Variants in LRRC7 observed in about 807,000 individuals in gnomAD.
LRRC7 encodes the protein leucine rich repeat containing 7, also known as leucine-rich repeat-containing protein 7.
A neutral mutation model predicts 175.7 loss-of-function variants in LRRC7; 23 were observed. The ratio of observed to expected loss-of-function variants is 0.13; its 90% CI spans 0.09 to 0.19. LRRC7 has a LOEUF of 0.19. Among genes scored for constraint, LRRC7 ranks in the 10% least tolerant of loss-of-function variants. The pLI is 1.00. For synonymous variants in LRRC7, 685 were observed against 680.9 expected (o/e 1.01, Z -0.09); for missense variants, 1,354 against 1,904.7 (o/e 0.71, Z 5.38).
At chr1:69,891,486 C>A (rs1364315880) in intron 7 of LRRC7, among the ~76,000 whole-genome samples, 1 of 152,172 alleles carries the variant, frequency 6.6e-6, no homozygotes, top group African/African-American at 2.4e-5. Flanking sequence ...AATCCAAGCA[C>A]TTTGGGAGGC....
chr1:69,609,701 TC>T (rs1308747923), intron 1 of LRRC7, among the ~76,000 whole-genome samples: 1 of 152,076 alleles, frequency 6.6e-6, no homozygotes, highest in East Asian at 1.9e-4. Context: ...TGAGAACTGC[TC>T]TTCTAAGTTA....
At chr1:70,098,095 C>T (rs1664543151) in intron 25 of LRRC7, among the ~76,000 whole-genome samples, 1 of 151,792 alleles carries the variant, frequency 6.6e-6, no homozygotes, top group Non-Finnish European at 1.5e-5. Context: ...AAAAGTGTTC[C>T]TATTTCTCCA....
intron 2 of LRRC7, among the ~76,000 whole-genome samples, chr1:69,724,543 AAAG>A (rs1176616164): frequency 3.9e-5 from 6 of 152,240 alleles, no homozygotes; most frequent in African/African-American, 7.2e-5. Context: ...TTATTTTTGA[AAAG>A]AAGTTCTTGC....
intron 8 of LRRC7, among the ~76,000 whole-genome samples, chr1:69,955,361 A>G (rs1385849164): frequency 6.6e-6 from 1 of 151,994 alleles, no homozygotes; most frequent in Non-Finnish European, 1.5e-5. Flanking sequence ...AAGAAATGAT[A>G]TTGCAATGAA....
intron 25 of LRRC7, among the ~76,000 whole-genome samples, chr1:70,099,010 C>T (rs1664613420): frequency 6.6e-6 from 1 of 152,048 alleles, no homozygotes; most frequent in African/African-American, 2.4e-5. Flanking sequence ...CAGGCAGAGA[C>T]ACAACCACAA....
rs572432035 is a variant in LRRC7 at position 69,925,730 on chromosome 1, T to C, written c.648-5777T>C. 2.0e-5 allele frequency among the ~76,000 whole-genome samples: 3 copies of C among 152,298 alleles called. No individual in the cohort carries two copies. In the South Asian group the frequency reaches 6.2e-4, roughly 32 times the overall value. ...TCTTGCTAGCGGTCTATCAATTTTGTTGATCCTTGCAAAAAACCAGCTCCT... is the reference window on the plus strand; with the variant it reads ...TCTTGCTAGCGGTCTATCAATTTTGCTGATCCTTGCAAAAAACCAGCTCCT... On this transcript the variant is annotated intron_variant, in intron 7 of 26. Transcript: ENST00000651989.
chr1:70,138,957 C>T lies in LRRC7; in HGVS notation c.*17070C>T, dbSNP rs1438922252. ...TCAAAGGCATAGCTGCTCGTGAAGA[C>T]CCTATTATGTTTTATTTGCCTATCG... On this transcript the variant is annotated 3_prime_UTR_variant, in exon 27 of 27. Coordinates refer to ENST00000651989, the MANE Select transcript of LRRC7 (RefSeq NM_001370785.2). The T allele has an allele frequency of 6.6e-6, 1 of 152,166 alleles. No homozygotes were observed. The highest frequency in any genetic ancestry group is 1.5e-5 in the Non-Finnish European group (1 of 68,036). The allele number at this position is 152,166 out of a possible 1,614,324, so 9.4% of individuals were successfully genotyped here. A position where few individuals can be genotyped will look rare whatever the true frequency, so the allele number is the denominator to read the frequency against.
chr1:69,800,424 G>A (rs531044254), intron 4 of LRRC7, among the ~76,000 whole-genome samples: 32 of 151,904 alleles, frequency 2.1e-4, no homozygotes, highest in Non-Finnish European at 4.4e-4. Context: ...TGTTTCACCA[G>A]TGTATTGTAG....
Position 70,133,401 on chromosome 1 carries a change from A to G in LRRC7, c.*11514A>G, listed in dbSNP as rs570001906. Among the ~76,000 whole-genome samples, 404 of 152,122 alleles carry G rather than the reference A, an allele frequency of 2.7e-3. 2 individuals carry two copies. Among genetic ancestry groups the G allele is most frequent in the Admixed American group, 7.2e-3 (110 of 15,280 alleles). On this transcript the variant is annotated 3_prime_UTR_variant, in exon 27 of 27. Coordinates refer to ENST00000651989, the MANE Select transcript of LRRC7 (RefSeq NM_001370785.2). The stretch of plus-strand genomic sequence containing the variant: ...ACGCCCGGCTAATTTTTGTATTTTT[A>G]GTAAAGACAGGTTTTCTCCATGTTG...
chr1:69,902,820 G>A (rs1243134816), intron 7 of LRRC7, among the ~76,000 whole-genome samples: 1 of 152,136 alleles, frequency 6.6e-6, no homozygotes, highest in Non-Finnish European at 1.5e-5. Context: ...GAAAAGCAAT[G>A]GTTGATGCAA....
At chr1:70,011,729 T>C in intron 11 of LRRC7, 68 bp from the exon 12 acceptor site, 1 of 1,097,058 alleles carries the variant, frequency 9.1e-7, no homozygotes, top group East Asian at 2.4e-5. Flanking sequence ...ATTTTGGATA[T>C]GTGGCTTTTT....
intron 17 of LRRC7, 93 bp from the exon 18 acceptor site, chr1:70,028,078 T>C (rs1558001843): frequency 2.7e-6 from 3 of 1,093,662 alleles, no homozygotes; most frequent in East Asian, 2.4e-5. Context: ...CTGTATTGCA[T>C]TTGATTATAC....
At chr1:69,961,772 G>A (rs1294957231) in intron 8 of LRRC7, among the ~76,000 whole-genome samples, 1 of 152,180 alleles carries the variant, frequency 6.6e-6, no homozygotes, top group African/African-American at 2.4e-5. Context: ...TGGGATAACT[G>A]GCTAGCCATA....
intron 8 of LRRC7, among the ~76,000 whole-genome samples, chr1:69,957,024 T>A (rs1470380788): frequency 2.3e-5 from 3 of 130,908 alleles, no homozygotes; most frequent in Non-Finnish European, 3.3e-5. Context: ...GACACTAATC[T>A]TCTTTTTTCA....
chr1:69,931,665 C>T (rs1166024689), intron 8 of LRRC7, 95 bp downstream of exon 8: 10 of 957,590 alleles, frequency 1.0e-5, no homozygotes, highest in Admixed American at 6.4e-5. Context: ...CTTGATTGCA[C>T]GTTTGCATTT....
intron 5 of LRRC7, among the ~76,000 whole-genome samples, chr1:69,830,752 A>G (rs532923902): frequency 3.3e-5 from 5 of 151,990 alleles, no homozygotes; most frequent in South Asian, 2.1e-4. Context: ...GTCGTTAAAT[A>G]AGACATACTA....
In LRRC7 at chr1:69,887,779, T is replaced by C. The variant is rs1482543155; in HGVS notation, c.648-43728T>C. Among the ~76,000 whole-genome samples, 7 of 146,830 alleles carry C rather than the reference T, an allele frequency of 4.8e-5. No homozygotes were observed. The South Asian group carries it at 1.5e-3, about 32-fold the overall frequency. ...TACTTTTGGTCTTTGATGATGGTGA[T>C]GTACAGATGGGTTTTTGGTGTGGAT... On this transcript the variant is annotated intron_variant, in intron 7 of 26. Transcript: ENST00000651989.
chr1:69,763,082 A>G (rs959483966), intron 3 of LRRC7, among the ~76,000 whole-genome samples: 1 of 152,072 alleles, frequency 6.6e-6, no homozygotes, highest in South Asian at 2.1e-4. Context: ...TAGGAAAAAA[A>G]TAGGAAATAC....
intron 2 of LRRC7, among the ~76,000 whole-genome samples, chr1:69,718,166 A>AAGAAAGAAAGAAAGAAAGAAAGAAAG: frequency 1.3e-5 from 2 of 150,778 alleles, no homozygotes; most frequent in Admixed American, 6.6e-5. Flanking sequence ...GAAAGAAAGA[A>AAGAAAGAAAGAAAGAAAGAAAGAAAG]AGAAAGAAGA....
Sources: allele counts gnomAD v4.1 joint callset (sites outside exome capture counted in the v4.1 genomes callset), GRCh38; gene constraint gnomAD v4.1.1; transcripts MANE v1.5; gene names NCBI Gene and HGNC (gene_info 2026-07-23, HGNC 2026-07-21).